The following CCDC88A variants were observed in gnomAD, a reference collection of about 807,000 sequenced individuals.
CCDC88A encodes the protein coiled-coil and HOOK domain protein 88A, also known as girdin.
CCDC88A carries 54 observed loss-of-function variants against 234.3 expected under a neutral mutation model. The ratio of observed to expected loss-of-function variants is 0.23; its 90% CI spans 0.19 to 0.29. CCDC88A has a LOEUF of 0.29. Ranked by LOEUF, CCDC88A falls within the 10% of genes least tolerant of loss-of-function variation. The pLI, the probability that CCDC88A is intolerant of heterozygous loss-of-function variation, is 1.00. For synonymous variants in CCDC88A, 753 were observed against 737.8 expected (o/e 1.02, Z -0.33); for missense variants, 1,832 against 2,123.4 (o/e 0.86, Z 2.70).
intron 3 of CCDC88A, among the ~76,000 whole-genome samples, chr2:55,379,780 G>A (rs938342072): frequency 4.6e-5 from 7 of 152,104 alleles, no homozygotes; most frequent in African/African-American, 1.2e-4. Context: ...AGGCGTGGTG[G>A]TGCATGCCTG....
At chr2:55,392,283 T>C (rs868539653) in intron 2 of CCDC88A, among the ~76,000 whole-genome samples, 4 of 152,234 alleles carry the variant, frequency 2.6e-5, no homozygotes, top group Non-Finnish European at 5.9e-5. Context: ...CTGACTAAAT[T>C]GTTTTTTTCA....
intron 21 of CCDC88A, among the ~76,000 whole-genome samples, chr2:55,316,364 G>T (rs546325988): frequency 2.0e-5 from 3 of 152,122 alleles, no homozygotes; most frequent in South Asian, 4.1e-4. Flanking sequence ...ACTGGGAAAA[G>T]AATTTTTTAG....
At chr2:55,340,784 C>A (rs1668375496) in intron 12 of CCDC88A, among the ~76,000 whole-genome samples, 1 of 152,118 alleles carries the variant, frequency 6.6e-6, no homozygotes, top group South Asian at 2.1e-4. Flanking sequence ...TGTATGATAT[C>A]TATTAAAACA....
At chr2:55,324,146 TA>T (rs1306299851) in intron 17 of CCDC88A, 1 of 149,674 alleles carries the variant, frequency 6.7e-6, no homozygotes, top group Non-Finnish European at 1.5e-5. Context: ...TAGAGCTAAT[TA>T]AAAAATTGTC....
Position 55,322,597 on chromosome 2 carries a change from C to A in CCDC88A, c.3093G>T (p.Glu1031Asp). Residue 1031 changes from glutamate to aspartate, a missense_variant, in exon 18 of 33, where the codon GAG (glutamate) becomes GAT (aspartate). Around this residue, in one of 6 missense-constraint regions of CCDC88A, gnomAD observed 1,282 missense variants for 1,543.6 expected, o/e 0.83. Coordinates refer to ENST00000436346, the MANE Select transcript of CCDC88A (RefSeq NM_001365480.1). ...PPISGEDNKW[E>D]RESQETTREL... ...CTCTAGTCGTTTCTTGACTTTCTCG[C>A]TCCCATTTGTTGTCTTCACCAGATA... The A allele has an allele frequency of 1.9e-6, 3 of 1,608,944 alleles. No homozygotes were observed. Among genetic ancestry groups the A allele is most frequent in the Non-Finnish European group, 1.7e-6 (2 of 1,175,934 alleles).
intron 3 of CCDC88A, among the ~76,000 whole-genome samples, chr2:55,388,268 A>C (rs1468278241): frequency 5.3e-5 from 8 of 152,236 alleles, no homozygotes; most frequent in Admixed American, 4.6e-4. Context: ...ACTTCTAAGT[A>C]ACTCGTAAGT....
intron 29 of CCDC88A, chr2:55,297,279 T>G (rs1170680160): frequency 7.7e-5 from 2 of 25,940 alleles, no homozygotes. Context: ...ATATATATTA[T>G]ATATAATATA....
In CCDC88A at chr2:55,317,397, T is replaced by C. The variant is rs1355874600; in HGVS notation, c.3603-48A>G. 7.4e-7 allele frequency: 1 copy of C among 1,356,588 alleles called. No individual in the cohort carries two copies. Among genetic ancestry groups the C allele is most frequent in the East Asian group, 2.5e-5 (1 of 40,258 alleles). The allele number at this position is 1,356,588 out of a possible 1,614,324, so 84.0% of individuals were successfully genotyped here. ...GTTTATAATATTTACAAAAAAGAAA[T>C]TTTAGAAATGAAGGAAATGAGTAAT... is the stretch of plus-strand genomic sequence containing the variant. On this transcript the variant is annotated intron_variant, in intron 20 of 32. Coordinates refer to ENST00000436346, the MANE Select transcript of CCDC88A (RefSeq NM_001365480.1). This position sits in a 1 kb window ranked among gnomAD's most constrained non-coding sequence, Gnocchi z 4.2.
intron 2 of CCDC88A, among the ~76,000 whole-genome samples, chr2:55,407,397 G>C (rs1479617626): frequency 6.6e-6 from 1 of 151,598 alleles, no homozygotes; most frequent in Non-Finnish European, 1.5e-5. Context: ...TTGATGTCAG[G>C]AGTTCGAGAC....
intron 3 of CCDC88A, among the ~76,000 whole-genome samples, chr2:55,384,583 A>G (rs866624810): frequency 2.1e-5 from 1 of 46,518 alleles, no homozygotes. Context: ...ATATATGTGT[A>G]TATATACACA....
chr2:55,406,657 G>T (rs1176855644), intron 2 of CCDC88A, among the ~76,000 whole-genome samples: 1 of 152,110 alleles, frequency 6.6e-6, no homozygotes, highest in Non-Finnish European at 1.5e-5. Context: ...TACTCGTGAG[G>T]CTTAGGCATG....
At chr2:55,322,062 T>C (rs530013952) in intron 18 of CCDC88A, among the ~76,000 whole-genome samples, 1 of 152,332 alleles carries the variant, frequency 6.6e-6, no homozygotes, top group Non-Finnish European at 1.5e-5. Flanking sequence ...ATTGAACTAA[T>C]TTAGCAAATA....
intron 2 of CCDC88A, chr2:55,417,163 C>A (rs1251193761): frequency 6.6e-6 from 1 of 151,830 alleles, no homozygotes; most frequent in Admixed American, 6.6e-5. Context: ...TTGTTTTTAG[C>A]ACCTCAGCTA....
Position 55,419,416 on chromosome 2 carries a change from A to C in CCDC88A, c.-337T>G. 1 of 299,810 alleles carries C rather than the reference A, an allele frequency of 3.3e-6. No individual in the cohort carries two copies. The highest frequency in any genetic ancestry group is 6.3e-6 in the Non-Finnish European group (1 of 157,598). The allele number at this position is 299,810 out of a possible 1,614,324, so 18.6% of individuals were successfully genotyped here. A position where few individuals can be genotyped will look rare whatever the true frequency, so the allele number is the denominator to read the frequency against. ...GACAAAAAGCCCGTCAAGGTTGTCC[A>C]GCTCCTGGAGGATCCAGACCAGCGA... On this transcript the variant is annotated 5_prime_UTR_variant, in exon 1 of 33. Coordinates refer to ENST00000436346, the MANE Select transcript of CCDC88A (RefSeq NM_001365480.1).
chr2:55,412,150 A>G (rs760160315), intron 2 of CCDC88A, among the ~76,000 whole-genome samples: 22 of 152,214 alleles, frequency 1.4e-4, no homozygotes, highest in Non-Finnish European at 7.3e-5. Flanking sequence ...CTTCTATGCT[A>G]GGTGCTAGTG....
chr2:55,288,922 G>A lies in CCDC88A; in HGVS notation c.*2278C>T, dbSNP rs1679249468. 1 of 152,178 alleles carries A rather than the reference G, an allele frequency of 6.6e-6. No homozygotes were observed. The highest frequency in any genetic ancestry group is 1.5e-5 in the Non-Finnish European group (1 of 68,016). 9.4% of individuals were successfully genotyped at this position (152,178 alleles called of 1,614,324 possible). A position where few individuals can be genotyped will look rare whatever the true frequency, so the allele number is the denominator to read the frequency against. Reference sequence around the variant, plus strand: ...TGCTTCTCAAGGTATACTGGAGAAAGTAAAATATTCATGTGGTTACTACTG... The same window carrying A: ...TGCTTCTCAAGGTATACTGGAGAAAATAAAATATTCATGTGGTTACTACTG... On this transcript the variant is annotated 3_prime_UTR_variant, in exon 33 of 33. Coordinates refer to ENST00000436346, the MANE Select transcript of CCDC88A (RefSeq NM_001365480.1).
intron 2 of CCDC88A, among the ~76,000 whole-genome samples, chr2:55,390,284 A>C (rs1676435826): frequency 6.6e-6 from 1 of 152,138 alleles, no homozygotes; most frequent in Non-Finnish European, 1.5e-5. Flanking sequence ...AAGTATATTA[A>C]GACATTTCAC....
At chr2:55,337,571 T>A (rs964404465) in intron 13 of CCDC88A, 2 of 152,208 alleles carry the variant, frequency 1.3e-5, no homozygotes, top group African/African-American at 2.4e-5. Flanking sequence ...ATTTTAATTT[T>A]TCTATTTTAA....
intron 5 of CCDC88A, among the ~76,000 whole-genome samples, chr2:55,366,489 T>C (rs1671971718): frequency 6.7e-6 from 1 of 149,444 alleles, no homozygotes; most frequent in Non-Finnish European, 1.5e-5. Flanking sequence ...ATTGCGCCAC[T>C]ACACTCCAGC....
Sources: gnomAD v4.1 joint callset for allele counts (sites outside exome capture counted in the v4.1 genomes callset) on GRCh38, gnomAD v4.1.1 for gene constraint, gnomAD v4.1.1 regional missense constraint, Gnocchi (gnomAD v3.1) non-coding constraint, MANE v1.5 for transcripts, NCBI Gene and HGNC (gene_info 2026-07-23, HGNC 2026-07-21) for gene names.